RYR1: variants seen among roughly 807,000 people sequenced by gnomAD.
RYR1 encodes ryanodine receptor 1.
Under a neutral mutation model 583.5 loss-of-function variants are expected in RYR1, and 342 were observed. The observed-to-expected ratio is 0.59, with a 90% CI of 0.54 to 0.64. The LOEUF is 0.64. RYR1 is among the 30% of genes least tolerant of loss of function. The probability of loss-of-function intolerance (pLI) is 0.00; values close to 1 mark genes in which losing one functional copy is unlikely to be tolerated. For synonymous variants in RYR1, 2,791 were observed against 2,822.5 expected (o/e 0.99, Z 0.35); for missense variants, 6,032 against 6,917.2 (o/e 0.87, Z 4.54).
intron 25 of RYR1, 94 bp downstream of exon 25, chr19:38,467,906 T>C: frequency 8.4e-7 from 1 of 1,193,282 alleles, no homozygotes; most frequent in Non-Finnish European, 1.2e-6. Flanking sequence ...CCTCACTCTG[T>C]CCCCACTTCA....
intron 65 of RYR1, 143 bp downstream of exon 65, chr19:38,516,360 C>G: frequency 1.1e-6 from 1 of 905,346 alleles, no homozygotes; most frequent in South Asian, 1.7e-5. Flanking sequence ...GCCACACATT[C>G]AGGAACCCCA....
intron 28 of RYR1, among the ~76,000 whole-genome samples, chr19:38,474,279 T>G (rs1968595768): frequency 6.6e-6 from 1 of 152,078 alleles, no homozygotes; most frequent in Admixed American, 6.6e-5. Context: ...TCTATCTTTT[T>G]TTTTTTGAGG....
chr19:38,567,070 G>C, intron 92 of RYR1, 83 bp downstream of exon 92: 2 of 1,543,074 alleles, frequency 1.3e-6, no homozygotes, highest in Non-Finnish European at 1.7e-6. Flanking sequence ...CAGGCCCCAA[G>C]GCTGTCCTGG....
chr19:38,499,913 G>A lies in RYR1; in HGVS notation c.7220G>A (p.Gly2407Asp), dbSNP rs373897751. 17 of 1,614,080 alleles carry A rather than the reference G, an allele frequency of 1.1e-5. No homozygotes were observed. The highest frequency in any genetic ancestry group is 1.4e-5 in the Non-Finnish European group (17 of 1,180,002). The part of the protein sequence containing the change: ...IRRDRRREHF[G>D]EEPPEENRVH... ...CCCACCCACCTTCCCTGCAGCTTTG[G>A]TGAGGAACCGCCTGAAGAAAACCGG... is the stretch of plus-strand genomic sequence containing the variant. Residue 2407 changes from glycine to aspartate, a missense_variant, in exon 45 of 106, where the codon GGT becomes GAT. Gly to Asp is a moderately conservative substitution (Grantham distance 94, BLOSUM62 -1). Coordinates refer to ENST00000359596, the MANE Select transcript of RYR1 (RefSeq NM_000540.3). The surrounding 1 kb of genome is among the most constrained non-coding windows in gnomAD (Gnocchi z 7.3).
At chr19:38,465,285 T>C (rs1253397803) in intron 23 of RYR1, among the ~76,000 whole-genome samples, 1 of 149,592 alleles carries the variant, frequency 6.7e-6, no homozygotes, top group Non-Finnish European at 1.5e-5. Flanking sequence ...CTGGGCAACA[T>C]GGTGAGACCC....
rs151162449 is a variant in RYR1, at chr19:38,438,517, T to C, written c.46-2228T>C. ...AGTCCTCCCACCTCAGCCTCCCGAG[T>C]AGCAGGGACTACAGGAACATACCAC... On this transcript the variant is annotated intron_variant, in intron 1 of 105. Transcript: ENST00000359596. Among the ~76,000 whole-genome samples, 128 of 150,982 alleles carry C rather than the reference T, an allele frequency of 8.5e-4. No homozygotes were observed. The East Asian group carries it at 0.012, about 14-fold the overall frequency.
At chr19:38,530,483 C>T (rs1342474817) in intron 76 of RYR1, among the ~76,000 whole-genome samples, 14 of 149,890 alleles carry the variant, frequency 9.3e-5, no homozygotes, top group East Asian at 2.0e-4. Context: ...TTGCCCAGGC[C>T]GGTCTCAAAC....
intron 36 of RYR1, 34 bp downstream of exon 36, chr19:38,490,310 G>T: frequency 1.3e-6 from 2 of 1,592,242 alleles, no homozygotes; most frequent in Non-Finnish European, 1.7e-6. Context: ...CACTTTTACT[G>T]TCTAAACCCC....
At position 38,512,178 on chromosome 19, in the gene RYR1, C is replaced by T; in HGVS notation, c.9233+46C>T. ...GCCCACTCCCACCATCATCGGGCCCCCACCCCAACCCCTGGTCTCCTAGAC... is the reference window on the plus strand; with the variant it reads ...GCCCACTCCCACCATCATCGGGCCCTCACCCCAACCCCTGGTCTCCTAGAC... On this transcript the variant is annotated intron_variant, in intron 62 of 105. Coordinates refer to ENST00000359596, the MANE Select transcript of RYR1 (RefSeq NM_000540.3). This position sits in a 1 kb window ranked among gnomAD's most constrained non-coding sequence, Gnocchi z 5.1. 6.2e-7 allele frequency: 1 copy of T among 1,613,986 alleles called. No individual in the cohort carries two copies. Among genetic ancestry groups the T allele is most frequent in the South Asian group, 1.1e-5 (1 of 91,088 alleles).
chr19:38,505,376 C>T lies in RYR1; in HGVS notation c.8378C>T (p.Pro2793Leu), dbSNP rs777584701. 1.2e-5 allele frequency: 19 copies of T among 1,610,918 alleles called. No homozygotes were observed. Among genetic ancestry groups the T allele is most frequent in the Non-Finnish European group, 1.5e-5 (18 of 1,178,350 alleles). ...CTGAAGACCCACCCCATGCTGAGGCCCTACAAGACCTTTTCAGAGAAGGTG... is the reference window on the plus strand; with the variant it reads ...CTGAAGACCCACCCCATGCTGAGGCTCTACAAGACCTTTTCAGAGAAGGTG... ...EELKTHPMLR[P>L]YKTFSEKDKE... Residue 2793 changes from proline (P) to leucine (L), a missense_variant, in exon 53 of 106, where the codon CCC (proline) becomes CTC (leucine). Coordinates refer to ENST00000359596, the MANE Select transcript of RYR1 (RefSeq NM_000540.3).
Position 38,504,351 on chromosome 19 carries a change from G to A in RYR1, c.8058G>A (p.Leu2686=). 1 of 1,614,112 alleles carries A rather than the reference G, an allele frequency of 6.2e-7. No individual in the cohort carries two copies. Among genetic ancestry groups the A allele is most frequent in the Non-Finnish European group, 8.5e-7 (1 of 1,180,024 alleles). Residue 2686 remains leucine, a synonymous_variant, in exon 50 of 106, where the codon CTG becomes CTA. Transcript: ENST00000359596. ...TCTTCTGGGGCATCTTTGACTCTCT[G>A]GCCCATAAGGTCTGGGCAGCAGGGA... ...RKLFWGIFDS[L]AHKKYDPELY...
chr19:38,558,089 G>A (rs560669482), intron 89 of RYR1, among the ~76,000 whole-genome samples: 8 of 152,000 alleles, frequency 5.3e-5, no homozygotes, highest in Middle Eastern at 3.4e-3. Flanking sequence ...TGGGAGGATC[G>A]CTTGAGCCCA....
chr19:38,463,924 G>A, intron 22 of RYR1, 74 bp downstream of exon 22: 3 of 1,102,138 alleles, frequency 2.7e-6, no homozygotes, highest in Non-Finnish European at 2.8e-6. Context: ...GAGAGACAGG[G>A]CAGGAGGTAG....
Position 38,473,435 on chromosome 19 carries a change from C to A in RYR1, c.3824C>A (p.Thr1275Asn). The change falls in exon 28 of 106, where the codon ACC becomes AAC. Residue 1275 changes from threonine (T) to asparagine (N), a missense_variant. This residue lies in a region of RYR1 where 2,627 missense variants were observed against 2,961.3 expected (regional missense o/e 0.89). Transcript: ENST00000359596. The part of the protein sequence containing the change: ...TPPCLRLTHR[T>N]WGSQNSLVEM... ...CCCTGCCTGCGCCTGACCCACCGCA[C>A]CTGGGGCTCCCAGAACAGCCTGGTG... The A allele has an allele frequency of 6.2e-7, 1 of 1,613,980 alleles. No homozygotes were observed. The highest frequency in any genetic ancestry group is 8.5e-7 in the Non-Finnish European group (1 of 1,179,970).
chr19:38,485,825 C>G lies in RYR1; in HGVS notation c.5170C>G (p.Arg1724Gly). ...CAGCATCCACCTCGAAAGTGCCTGC[C>G]GCAGCCGCCGCTCCATGCTCTCTGA... Reference protein sequence around the residue: ...LISIHLESACRSRRSMLSEYI... With the variant: ...LISIHLESACGSRRSMLSEYI... Residue 1724 changes from arginine (R) to glycine (G), a missense_variant, in exon 34 of 106, where the codon CGC (arginine) becomes GGC (glycine). By Grantham distance (125) the Arg-to-Gly change is moderately radical (BLOSUM62 -2). This residue lies in a region of RYR1 where 2,627 missense variants were observed against 2,961.3 expected (regional missense o/e 0.89). Transcript: ENST00000359596. The G allele has an allele frequency of 2.5e-6, 4 of 1,613,520 alleles. No individual in the cohort carries two copies. Among genetic ancestry groups the G allele is most frequent in the Non-Finnish European group, 3.4e-6 (4 of 1,180,004 alleles).
At chr19:38,564,900 C>T in intron 90 of RYR1, 59 bp from the exon 91 acceptor site, 10 of 1,538,512 alleles carry the variant, frequency 6.5e-6, no homozygotes, top group Non-Finnish European at 7.9e-6. Context: ...ACTGCGCTGT[C>T]GCTGCTGTCC....
Position 38,492,557 on chromosome 19 carries a change from C to T in RYR1, c.6195C>T (p.Ser2065=). 2 of 1,614,062 alleles carry T rather than the reference C, an allele frequency of 1.2e-6. No homozygotes were observed. Among genetic ancestry groups the T allele is most frequent in the Non-Finnish European group, 1.7e-6 (2 of 1,179,980 alleles). ...CCACCCTGGGCAGCCGCCTCATGAGCCTGTTGGAGAAAGTGCGGCTGGTGA... is the reference window on the plus strand; with the variant it reads ...CCACCCTGGGCAGCCGCCTCATGAGTCTGTTGGAGAAAGTGCGGCTGGTGA... ...EETTLGSRLM[S]LLEKVRLVKK... The change falls in exon 38 of 106, where the codon AGC becomes AGT. Residue 2065 remains serine (S), a synonymous_variant. Coordinates refer to ENST00000359596, the MANE Select transcript of RYR1 (RefSeq NM_000540.3).
chr19:38,566,801 A>T, intron 91 of RYR1, 110 bp from the exon 92 acceptor site: 2 of 1,541,808 alleles, frequency 1.3e-6, no homozygotes, highest in Non-Finnish European at 1.8e-6. Context: ...GAAGTGTAAA[A>T]CTTAGATTAC....
chr19:38,512,533 C>T lies in RYR1; in HGVS notation c.9472+50C>T. On this transcript the variant is annotated intron_variant, in intron 63 of 105. Coordinates refer to ENST00000359596, the MANE Select transcript of RYR1 (RefSeq NM_000540.3). This position sits in a 1 kb window ranked among gnomAD's most constrained non-coding sequence, Gnocchi z 5.1. The stretch of plus-strand genomic sequence containing the variant: ...GGTTGCGGGGAGTCAGTGTGGCCAA[C>T]ACCACCCATCCGGGTGCCTGTGAGA... The T allele has an allele frequency of 6.5e-7, 1 of 1,539,458 alleles. No homozygotes were observed. The highest frequency in any genetic ancestry group is 2.2e-5 in the East Asian group (1 of 44,570).
Sources: allele counts gnomAD v4.1 joint callset (sites outside exome capture counted in the v4.1 genomes callset), GRCh38; gene constraint gnomAD v4.1.1; regional missense constraint gnomAD v4.1.1; non-coding constraint Gnocchi (gnomAD v3.1); transcripts MANE v1.5; gene names NCBI Gene and HGNC (gene_info 2026-07-23, HGNC 2026-07-21).